The following OTOP3 variants were observed in gnomAD, a reference collection of about 807,000 sequenced individuals.
OTOP3 encodes proton channel OTOP3.
In OTOP3, 41 loss-of-function variants were observed where a neutral mutation model predicts 50.8. That is an observed-to-expected ratio of 0.81 (90% CI 0.63 to 1.05). The LOEUF (loss-of-function observed/expected upper bound fraction) is 1.05, where lower values mean the gene tolerates loss of function less well. OTOP3 is among the 50% of genes least tolerant of loss of function. The pLI, the probability that OTOP3 is intolerant of heterozygous loss-of-function variation, is 0.00. For synonymous variants in OTOP3, 320 were observed against 324.4 expected (o/e 0.99, Z 0.14); for missense variants, 788 against 760.8 (o/e 1.04, Z -0.42).
intron 6 of OTOP3, among the ~76,000 whole-genome samples, chr17:74,948,519 G>T (rs1361890817): frequency 6.6e-6 from 1 of 152,164 alleles, no homozygotes; most frequent in Non-Finnish European, 1.5e-5. Context: ...AATTAGCCAG[G>T]CATGGTGGTG....
chr17:74,946,674 C>CACCT lies in OTOP3; in HGVS notation c.766_769dup (p.Cys257TyrfsTer11). On this transcript the variant is annotated frameshift_variant, in exon 6 of 7. Coordinates refer to ENST00000328801, the MANE Select transcript of OTOP3 (RefSeq NM_001272005.2). LOFTEE classifies it high-confidence loss of function. The stretch of plus-strand genomic sequence containing the variant: ...CCTCCCTCCCAGGCAATGAGACCAA[C>CACCT]ACCTGTCTGTGCCTCAATGCCACCG... 6.2e-7 allele frequency: 1 copy of CACCT among 1,608,450 alleles called. No individual in the cohort carries two copies. The highest frequency in any genetic ancestry group is 1.1e-5 in the South Asian group (1 of 90,898).
Position 74,941,751 on chromosome 17 carries a change from C to T in OTOP3, c.378C>T (p.Thr126=). The stretch of plus-strand genomic sequence containing the variant: ...TTCTCTACTATGTGGCAAGCACCAC[C>T]CGCCGACCACACGCCGTGCTCTACC... ...LWLLYYVAST[T]RRPHAVLYQD... Residue 126 remains threonine, a synonymous_variant, in exon 2 of 7, where the codon ACC becomes ACT. Coordinates refer to ENST00000328801, the MANE Select transcript of OTOP3 (RefSeq NM_001272005.2). 1.2e-6 allele frequency: 2 copies of T among 1,614,048 alleles called. No individual in the cohort carries two copies. Among genetic ancestry groups the T allele is most frequent in the South Asian group, 1.1e-5 (1 of 91,080 alleles).
intron 4 of OTOP3, 81 bp from the exon 5 acceptor site, chr17:74,943,525 C>T (rs778320102): frequency 2.8e-5 from 41 of 1,441,174 alleles, no homozygotes; most frequent in Non-Finnish European, 3.9e-5. Flanking sequence ...TGAGTGGTTG[C>T]CCCAACAACA....
chr17:74,938,880 A>G (rs1403642549), intron 1 of OTOP3, among the ~76,000 whole-genome samples: 1 of 152,050 alleles, frequency 6.6e-6, no homozygotes, highest in African/African-American at 2.4e-5. Flanking sequence ...GGTCAAGAAA[A>G]ATCAGGGCCA....
upstream of OTOP3, chr17:74,935,839 G>T (rs370066361): frequency 3.0e-5 from 46 of 1,529,498 alleles, no homozygotes; most frequent in South Asian, 5.3e-4. Context: ...GCGCAGTCCC[G>T]CTGGGGGAGG....
In OTOP3 at chr17:74,947,361, G is replaced by C. The variant is rs1294156783; in HGVS notation, c.1452G>C (p.Leu484=). 1.9e-6 allele frequency: 3 copies of C among 1,613,044 alleles called. No individual in the cohort carries two copies. In the South Asian group the frequency reaches 3.3e-5, roughly 18 times the overall value. The change falls in exon 6 of 7, where the codon CTG becomes CTC. Residue 484 remains leucine (L), a synonymous_variant. Coordinates refer to ENST00000328801, the MANE Select transcript of OTOP3 (RefSeq NM_001272005.2). ...CCCGCAGAGGCTCCTTGCTGGAGCT[G>C]GGCCAGGGCCTGCAGCGGGCCTCAC... The part of the protein sequence containing the change: ...EPPRRGSLLE[L]GQGLQRASLA...
chr17:74,942,572 A>G (rs2039188234), intron 3 of OTOP3, among the ~76,000 whole-genome samples: 1 of 151,838 alleles, frequency 6.6e-6, no homozygotes, highest in African/African-American at 2.4e-5. Flanking sequence ...CAGAGGTTGC[A>G]GTGAGCCAAG....
chr17:74,941,848 G>A (rs2039178603), intron 2 of OTOP3, 39 bp downstream of exon 2: 3 of 1,591,888 alleles, frequency 1.9e-6, no homozygotes, highest in Non-Finnish European at 2.6e-6. Flanking sequence ...CAGGGGTGGG[G>A]AGGGAGAGCC....
In OTOP3 at chr17:74,947,183, A is replaced by G. The variant is rs200859768; in HGVS notation, c.1274A>G (p.His425Arg). 40 of 1,613,988 alleles carry G rather than the reference A, an allele frequency of 2.5e-5. 1 individual carries two copies. In the East Asian group the frequency reaches 8.0e-4, roughly 32 times the overall value. Residue 425 changes from histidine (H) to arginine (R), a missense_variant, in exon 6 of 7, where the codon CAT becomes CGT. Physicochemically the swap from His to Arg is conservative, Grantham distance 29. Transcript: ENST00000328801. ...GTGGCCATTGTGGCCAAGCGCCCGC[A>G]TGAGCTGCTCAACCGCCTCATCCTG... Reference protein sequence around the residue: ...SIVAIVAKRPHELLNRLILAY... With the variant: ...SIVAIVAKRPRELLNRLILAY...
chr17:74,935,855 G>C, upstream of OTOP3: 1 of 1,533,878 alleles, frequency 6.5e-7, no homozygotes. Context: ...GGAGGGCGTC[G>C]CGGGCATCGG....
At chr17:74,939,356 T>A (rs2039148660) in intron 1 of OTOP3, among the ~76,000 whole-genome samples, 1 of 151,894 alleles carries the variant, frequency 6.6e-6, no homozygotes, top group Non-Finnish European at 1.5e-5. Flanking sequence ...ATGGGAGCAA[T>A]GAGCACCTAG....
rs760402085 is a variant in OTOP3 at position 74,943,735 on chromosome 17, G to C, written c.751+11G>C. The C allele has an allele frequency of 6.3e-7, 1 of 1,575,358 alleles. No individual in the cohort carries two copies. Among genetic ancestry groups the C allele is most frequent in the Admixed American group, 1.7e-5 (1 of 59,630 alleles). On this transcript the variant is annotated intron_variant, in intron 5 of 6. Transcript: ENST00000328801. ...TGGAAAAATCCACAGGTATGGAAAGGAGACCAGGTCTTCCTTGCCCTGAAA... is the reference window on the plus strand; with the variant it reads ...TGGAAAAATCCACAGGTATGGAAAGCAGACCAGGTCTTCCTTGCCCTGAAA...
Position 74,941,935 on chromosome 17 carries a change from C to T in OTOP3, c.471C>T (p.Cys157=), listed in dbSNP as rs755601781. 1.3e-5 allele frequency: 21 copies of T among 1,612,638 alleles called. No homozygotes were observed. In the South Asian group the frequency reaches 2.2e-4, roughly 17 times the overall value. ...TGCTCTTCGGCAGCTGCACCTTCTG[C>T]CTCAACATCTTCCGAGTGGGCTACG... ...SLVLFGSCTF[C]LNIFRVGYDV... Residue 157 remains cysteine, a synonymous_variant, in exon 3 of 7, where the codon TGC becomes TGT. Transcript: ENST00000328801.
intron 1 of OTOP3, among the ~76,000 whole-genome samples, chr17:74,938,482 G>A (rs944077870): frequency 4.6e-5 from 7 of 152,334 alleles, no homozygotes; most frequent in African/African-American, 1.4e-4. Flanking sequence ...ACAAGCTAGA[G>A]TTACCCAAGG....
chr17:74,941,808 G>A lies in OTOP3; in HGVS notation c.435G>A (p.Arg145=). The stretch of plus-strand genomic sequence containing the variant: ...CCCACGCGGGGCCCCTCTGGGTGCG[G>A]GGTGAGTGTCAGGTTGCTGGGGGGC... ...QDPHAGPLWV[R]GSLVLFGSCT... Residue 145 remains arginine (R), a splice_region_variant and synonymous_variant, in exon 2 of 7, where the codon CGG becomes CGA. Coordinates refer to ENST00000328801, the MANE Select transcript of OTOP3 (RefSeq NM_001272005.2). The A allele has an allele frequency of 1.2e-6, 2 of 1,607,710 alleles. No homozygotes were observed. The highest frequency in any genetic ancestry group is 1.7e-6 in the Non-Finnish European group (2 of 1,176,148).
chr17:74,941,269 T>C (rs2039168693), intron 1 of OTOP3, 124 bp from the exon 2 acceptor site: 27 of 1,031,894 alleles, frequency 2.6e-5, no homozygotes, highest in Non-Finnish European at 3.2e-5. Context: ...TTAGTTCCAA[T>C]GTCCCAACCA....
At chr17:74,939,511 C>T (rs1379295366) in intron 1 of OTOP3, among the ~76,000 whole-genome samples, 4 of 152,128 alleles carry the variant, frequency 2.6e-5, no homozygotes, top group South Asian at 2.1e-4. Flanking sequence ...CCACTCTCAA[C>T]AGCACCTCAG....
At position 74,943,865 on chromosome 17, in the gene OTOP3, A is replaced by G. The variant is rs1362633938; in HGVS notation, c.751+141A>G. 11 of 716,140 alleles carry G rather than the reference A, an allele frequency of 1.5e-5. No individual in the cohort carries two copies. The African/African-American group carries it at 2.0e-4, about 13-fold the overall frequency. 44.4% of individuals were successfully genotyped at this position (716,140 alleles called of 1,614,324 possible). The stretch of plus-strand genomic sequence containing the variant: ...GAGTTGGGAGCAAACTCTAGAGGCC[A>G]GATTAGGAATCAACAGAAAACTGAA... On this transcript the variant is annotated intron_variant, in intron 5 of 6. Transcript: ENST00000328801.
In OTOP3 at chr17:74,949,795, T is replaced by G. The variant is rs887721919; in HGVS notation, c.*379T>G. On this transcript the variant is annotated 3_prime_UTR_variant, in exon 7 of 7. Transcript: ENST00000328801. ...AGGGGCACCCCTCTCCAGCCAGGAC[T>G]CAGAGGTCTGCCCCCTGCTGCGAGA... The G allele has an allele frequency of 5.4e-6, 1 of 185,796 alleles. No homozygotes were observed. The highest frequency in any genetic ancestry group is 2.3e-5 in the African/African-American group (1 of 42,676). The allele number at this position is 185,796 out of a possible 1,614,324, so 11.5% of individuals were successfully genotyped here. A position where few individuals can be genotyped will look rare whatever the true frequency, so the allele number is the denominator to read the frequency against.
Sources: gnomAD v4.1 joint callset for allele counts (sites outside exome capture counted in the v4.1 genomes callset) on GRCh38, gnomAD v4.1.1 for gene constraint, MANE v1.5 for transcripts, NCBI Gene and HGNC (gene_info 2026-07-23, HGNC 2026-07-21) for gene names.